Variants in BTNL8 observed in about 807,000 individuals in gnomAD.
BTNL8 encodes the protein butyrophilin like 8, also known as butyrophilin-like protein 8.
BTNL8 carries 22 observed loss-of-function variants against 36.1 expected under a neutral mutation model. That is an observed-to-expected ratio of 0.61 (90% CI 0.44 to 0.87). The LOEUF (loss-of-function observed/expected upper bound fraction) is 0.87, where lower values mean the gene tolerates loss of function less well. Among genes scored for constraint, BTNL8 ranks in the 40% least tolerant of loss-of-function variants. The pLI is 0.00. For synonymous variants in BTNL8, 203 were observed against 235.6 expected (o/e 0.86, Z 1.27); for missense variants, 526 against 616.9 (o/e 0.85, Z 1.56).
intron 3 of BTNL8, among the ~76,000 whole-genome samples, chr5:180,921,690 CACACAG>C (rs1757869228): frequency 7.0e-6 from 1 of 143,586 alleles, no homozygotes; most frequent in Admixed American, 6.9e-5. Context: ...CACACACACA[CACACAG>C]ACACACACAC....
Position 180,947,737 on chromosome 5 carries a change from G to A in BTNL8, c.787+112G>A, listed in dbSNP as rs1024614138. 3.1e-6 allele frequency: 5 copies of A among 1,614,054 alleles called. No homozygotes were observed. The African/African-American group carries it at 6.7e-5, about 22-fold the overall frequency. ...TCTCTTCTTCTAGTCCTAGCCTCCAGGGGCCCAGGCCCAAAAAAGTAATCA... is the reference window on the plus strand; with the variant it reads ...TCTCTTCTTCTAGTCCTAGCCTCCAAGGGCCCAGGCCCAAAAAAGTAATCA... On this transcript the variant is annotated intron_variant, in intron 4 of 7. Coordinates refer to ENST00000340184, the MANE Select transcript of BTNL8 (RefSeq NM_001040462.3).
intron 3 of BTNL8, among the ~76,000 whole-genome samples, chr5:180,946,830 C>T (rs1759277057): frequency 1.3e-5 from 2 of 151,948 alleles, no homozygotes; most frequent in Non-Finnish European, 2.9e-5. Context: ...TTAATCATTC[C>T]ACATTGTAGG....
intron 3 of BTNL8, among the ~76,000 whole-genome samples, chr5:180,944,221 A>G (rs901456780): frequency 1.4e-4 from 21 of 152,236 alleles, no homozygotes; most frequent in African/African-American, 4.6e-4. Flanking sequence ...ATACAAAGTT[A>G]CAATTAGATA....
intron 2 of BTNL8, among the ~76,000 whole-genome samples, chr5:180,910,091 C>T (rs1757321984): frequency 6.6e-6 from 1 of 152,108 alleles, no homozygotes; most frequent in Non-Finnish European, 1.5e-5. Context: ...GCTAAGCTGT[C>T]CTGGTCTTTA....
Position 180,908,571 on chromosome 5 carries a change from T to C in BTNL8, c.50-15T>C. On this transcript the variant is annotated splice_polypyrimidine_tract_variant and intron_variant, in intron 1 of 7. Coordinates refer to ENST00000340184, the MANE Select transcript of BTNL8 (RefSeq NM_001040462.3). ...AAGGGTTTTGATGATTTATCTTTTG[T>C]ATGTCTTCCCACAGGGCAGTGGCAG... 6.2e-6 allele frequency: 10 copies of C among 1,610,828 alleles called. No homozygotes were observed. Among genetic ancestry groups the C allele is most frequent in the East Asian group, 2.2e-5 (1 of 44,836 alleles).
At chr5:180,949,711 C>T (rs141963903) in intron 7 of BTNL8, 193 bp from the exon 8 acceptor site, 102,096 of 684,752 alleles carry the variant, frequency 0.15, 22,892 homozygotes, top group African/African-American at 0.37. Context: ...TGAGACATAT[C>T]TAGACATTGA....
chr5:180,922,970 G>C (rs1263513099), intron 3 of BTNL8, among the ~76,000 whole-genome samples: 4 of 151,974 alleles, frequency 2.6e-5, no homozygotes, highest in African/African-American at 4.8e-5. Flanking sequence ...GATTATTGTT[G>C]GTTTAAAGTC....
At chr5:180,924,053 C>A (rs1277911389) in intron 3 of BTNL8, among the ~76,000 whole-genome samples, 1 of 152,196 alleles carries the variant, frequency 6.6e-6, no homozygotes, top group Non-Finnish European at 1.5e-5. Context: ...TTAAGCCTTA[C>A]TCAGCGTGGG....
At chr5:180,899,639 T>C (rs569716552) in intron 1 of BTNL8, among the ~76,000 whole-genome samples, 1 of 152,238 alleles carries the variant, frequency 6.6e-6, no homozygotes, top group Non-Finnish European at 1.5e-5. Context: ...CTGAGTGGTG[T>C]AGGCAGGGTT....
chr5:180,901,436 C>A (rs1324533780), intron 1 of BTNL8, among the ~76,000 whole-genome samples: 1 of 152,104 alleles, frequency 6.6e-6, no homozygotes, highest in African/African-American at 2.4e-5. Context: ...CAGTGTAATC[C>A]TTACAGGGTA....
At chr5:180,902,432 G>A (rs1756862521) in intron 1 of BTNL8, 2 of 1,538,890 alleles carry the variant, frequency 1.3e-6, no homozygotes, top group Admixed American at 3.9e-5. Flanking sequence ...ACTGGCTTTA[G>A]AAATAGGATT....
In BTNL8 at chr5:180,901,071, G is replaced by A. The variant is rs144281930; in HGVS notation, c.49+1712G>A. Among the ~76,000 whole-genome samples the A allele has an allele frequency of 3.5e-3, 527 of 152,318 alleles. 1 individual carries two copies. Among genetic ancestry groups the A allele is most frequent in the African/African-American group, 0.012 (500 of 41,566 alleles). On this transcript the variant is annotated intron_variant, in intron 1 of 7. Transcript: ENST00000340184. ...GGGACTCAGGGTTGGGTGGTGAGGA[G>A]CAGGGCCTCAACATCTGCTACACCA...
At chr5:180,942,953 G>A (rs893710158) in intron 3 of BTNL8, among the ~76,000 whole-genome samples, 1 of 151,944 alleles carries the variant, frequency 6.6e-6, no homozygotes, top group Non-Finnish European at 1.5e-5. Context: ...ATATCAAACT[G>A]AAAAGCTTTT....
chr5:180,947,943 C>A, intron 4 of BTNL8: 3 of 829,582 alleles, frequency 3.6e-6, no homozygotes, highest in Non-Finnish European at 5.6e-6. Context: ...ATGTGGTGAA[C>A]AAATTCATAA....
Position 180,948,340 on chromosome 5 carries a change from C to G in BTNL8, c.788-15C>G. Reference sequence around the variant, plus strand: ...ACTCCTGTGTCCACCACTGAATATACTGTTTCTGTTTCAGGGAAAATCCAG... The same window carrying G: ...ACTCCTGTGTCCACCACTGAATATAGTGTTTCTGTTTCAGGGAAAATCCAG... On this transcript the variant is annotated splice_polypyrimidine_tract_variant and intron_variant, in intron 4 of 7. Transcript: ENST00000340184. 6.8e-7 allele frequency: 1 copy of G among 1,466,322 alleles called. No homozygotes were observed. The highest frequency in any genetic ancestry group is 1.1e-5 in the South Asian group (1 of 89,340). The allele number at this position is 1,466,322 out of a possible 1,614,324, so 90.8% of individuals were successfully genotyped here.
chr5:180,938,904 A>G (rs1442558922), intron 3 of BTNL8, among the ~76,000 whole-genome samples: 3 of 152,166 alleles, frequency 2.0e-5, no homozygotes, highest in Non-Finnish European at 4.4e-5. Context: ...TTTTTTAGAT[A>G]AGCAAAACTG....
intron 3 of BTNL8, among the ~76,000 whole-genome samples, chr5:180,922,286 G>A (rs1423667709): frequency 6.6e-6 from 1 of 151,914 alleles, no homozygotes; most frequent in Non-Finnish European, 1.5e-5. Flanking sequence ...GTGATAATAG[G>A]TTCTTAAATT....
intron 1 of BTNL8, among the ~76,000 whole-genome samples, chr5:180,907,932 C>G (rs1337879848): frequency 6.6e-6 from 1 of 152,010 alleles, no homozygotes; most frequent in Non-Finnish European, 1.5e-5. Context: ...AGCTGTCAGA[C>G]AGGGACATTT....
chr5:180,900,949 G>T (rs891933460), intron 1 of BTNL8, among the ~76,000 whole-genome samples: 1 of 152,194 alleles, frequency 6.6e-6, no homozygotes, highest in Non-Finnish European at 1.5e-5. Context: ...GGCTAAGTAG[G>T]TTCCAAGGGT....
Sources: gnomAD v4.1 joint callset for allele counts (sites outside exome capture counted in the v4.1 genomes callset) on GRCh38, gnomAD v4.1.1 for gene constraint, MANE v1.5 for transcripts, NCBI Gene and HGNC (gene_info 2026-07-23, HGNC 2026-07-21) for gene names.